RSRC1: variants seen among roughly 807,000 people sequenced by gnomAD.
RSRC1 encodes the protein arginine and serine rich coiled-coil 1, also known as serine/Arginine-related protein 53.
Under a neutral mutation model 49.1 loss-of-function variants are expected in RSRC1, and 39 were observed. That is an observed-to-expected ratio of 0.79 (90% CI 0.61 to 1.04). The LOEUF (loss-of-function observed/expected upper bound fraction) is 1.04. Among genes scored for constraint, RSRC1 ranks in the 50% least tolerant of loss-of-function variants. RSRC1 has a pLI of 0.00. For missense variants in RSRC1, 388 were observed against 402.4 expected (o/e 0.96, Z 0.31); for synonymous variants, 143 against 130.8 (o/e 1.09, Z -0.63).
chr3:158,351,491 G>A (rs541382565), intron 5 of RSRC1, among the ~76,000 whole-genome samples: 1 of 152,316 alleles, frequency 6.6e-6, no homozygotes, highest in East Asian at 1.9e-4. Context: ...CCCATAGTTG[G>A]AGTTCGTCCC....
At chr3:158,458,075 G>T (rs1682090266) in intron 6 of RSRC1, among the ~76,000 whole-genome samples, 1 of 152,072 alleles carries the variant, frequency 6.6e-6, no homozygotes, top group Non-Finnish European at 1.5e-5. Context: ...TAAAAGTTTG[G>T]AGTCACATGG....
At chr3:158,282,156 A>G (rs1440039974) in intron 4 of RSRC1, among the ~76,000 whole-genome samples, 2 of 152,216 alleles carry the variant, frequency 1.3e-5, no homozygotes, top group African/African-American at 4.8e-5. Flanking sequence ...TACCTAAGCA[A>G]ATAATTAAGT....
chr3:158,328,592 C>T (rs868772806), intron 5 of RSRC1, among the ~76,000 whole-genome samples: 6 of 152,128 alleles, frequency 3.9e-5, no homozygotes, highest in African/African-American at 1.2e-4. Context: ...GAGTTTCTGC[C>T]GAGAGATCAG....
chr3:158,512,124 T>A (rs1740222708), intron 7 of RSRC1, among the ~76,000 whole-genome samples: 1 of 149,350 alleles, frequency 6.7e-6, no homozygotes. Flanking sequence ...TTTAATTAGA[T>A]CCCATTTGTC....
chr3:158,397,753 A>G (rs183026178), intron 6 of RSRC1, among the ~76,000 whole-genome samples: 2 of 152,114 alleles, frequency 1.3e-5, no homozygotes. Context: ...ACCTTTGAAC[A>G]TGCTCTTCTC....
At chr3:158,134,248 ATTAT>A (rs202096264) in intron 3 of RSRC1, among the ~76,000 whole-genome samples, 3,686 of 152,166 alleles carry the variant, frequency 0.024, 156 homozygotes, top group African/African-American at 0.085. Context: ...CTCTTTAATG[ATTAT>A]TTATTCTTTA....
intron 7 of RSRC1, among the ~76,000 whole-genome samples, chr3:158,506,358 A>G (rs907140668): frequency 2.0e-5 from 3 of 152,120 alleles, no homozygotes; most frequent in African/African-American, 7.2e-5. Context: ...TATGTGTCAC[A>G]TGGAGCCAGG....
intron 6 of RSRC1, among the ~76,000 whole-genome samples, chr3:158,415,329 C>T (rs1485218834): frequency 2.7e-4 from 41 of 152,030 alleles, no homozygotes; most frequent in Non-Finnish European, 1.0e-4. Context: ...AGATTCTACT[C>T]TGCATTTGAA....
At chr3:158,176,270 A>G in intron 3 of RSRC1, among the ~76,000 whole-genome samples, 1 of 152,226 alleles carries the variant, frequency 6.6e-6, no homozygotes, top group Non-Finnish European at 1.5e-5. Flanking sequence ...CAAGTTACCA[A>G]TGATTTTCTT....
chr3:158,321,644 T>G (rs922380587), intron 5 of RSRC1, among the ~76,000 whole-genome samples: 1 of 151,726 alleles, frequency 6.6e-6, no homozygotes, highest in Non-Finnish European at 1.5e-5. Context: ...GGTGCAAAAG[T>G]AATTGTGGTA....
At chr3:158,111,411 T>A (rs776473463) in intron 1 of RSRC1, among the ~76,000 whole-genome samples, 1 of 152,258 alleles carries the variant, frequency 6.6e-6, no homozygotes, top group Non-Finnish European at 1.5e-5. Flanking sequence ...AGGGGTGTTA[T>A]GAATTGGAAA....
At chr3:158,139,128 C>T (rs754692077) in intron 3 of RSRC1, among the ~76,000 whole-genome samples, 5 of 152,060 alleles carry the variant, frequency 3.3e-5, no homozygotes, top group Non-Finnish European at 7.4e-5. Flanking sequence ...TGGCCGGACA[C>T]GGTAGCTCAC....
chr3:158,259,267 C>A (rs1206901412), intron 4 of RSRC1, among the ~76,000 whole-genome samples: 2 of 152,136 alleles, frequency 1.3e-5, no homozygotes, highest in African/African-American at 4.8e-5. Context: ...TGTCTTTGGT[C>A]ATGGCATCTA....
intron 4 of RSRC1, among the ~76,000 whole-genome samples, chr3:158,295,993 A>G (rs1158393624): frequency 6.6e-6 from 1 of 152,036 alleles, no homozygotes; most frequent in African/African-American, 2.4e-5. Flanking sequence ...TGATGATGAG[A>G]TGCTGCATCA....
Position 158,470,355 on chromosome 3 carries a change from CACACACATATAT to C in RSRC1, c.652+9354_652+9365del, listed in dbSNP as rs200372982. 4.4e-3 allele frequency among the ~76,000 whole-genome samples: 510 copies of C among 117,054 alleles called. 4 individuals carry two copies. The highest frequency in any genetic ancestry group is 8.5e-3 in the East Asian group (40 of 4,726). 76.8% of individuals were successfully genotyped at this position (117,054 alleles called of 152,430 possible). On this transcript the variant is annotated intron_variant, in intron 7 of 9. Coordinates refer to ENST00000611884, the MANE Select transcript of RSRC1 (RefSeq NM_001271838.2). ...ACACACACACACACACACACACACACACACACATATATATATATATATATAAAACCATCTTCA... is the reference window on the plus strand; with the variant it reads ...ACACACACACACACACACACACACACATATATATATATAAAACCATCTTCA...
At chr3:158,488,035 G>A (rs1738903266) in intron 7 of RSRC1, among the ~76,000 whole-genome samples, 1 of 145,048 alleles carries the variant, frequency 6.9e-6, no homozygotes, top group South Asian at 2.2e-4. Context: ...GGAACACTCT[G>A]TTAAGAAAGA....
At chr3:158,370,827 G>A (rs556207495) in intron 6 of RSRC1, among the ~76,000 whole-genome samples, 20 of 151,964 alleles carry the variant, frequency 1.3e-4, no homozygotes, top group African/African-American at 4.6e-4. Context: ...TATAGTAAGT[G>A]GAGCTATAAC....
At chr3:158,336,124 G>T (rs1215958759) in intron 5 of RSRC1, among the ~76,000 whole-genome samples, 1 of 152,220 alleles carries the variant, frequency 6.6e-6, no homozygotes, top group African/African-American at 2.4e-5. Context: ...CTACTCACTT[G>T]TCTATGCCTG....
chr3:158,146,614 G>A (rs1414013722), intron 3 of RSRC1, among the ~76,000 whole-genome samples: 2 of 152,116 alleles, frequency 1.3e-5, no homozygotes, highest in African/African-American at 4.8e-5. Flanking sequence ...TCTCTGCCAG[G>A]CTTTGGTATC....
Sources: gnomAD v4.1 joint callset for allele counts (sites outside exome capture counted in the v4.1 genomes callset) on GRCh38, gnomAD v4.1.1 for gene constraint, MANE v1.5 for transcripts, NCBI Gene and HGNC (gene_info 2026-07-23, HGNC 2026-07-21) for gene names.